Variants in RSPRY1 observed in about 807,000 individuals in gnomAD.
RSPRY1 encodes the protein ring finger and SPRY domain containing 1, also known as RING finger and SPRY domain-containing protein 1.
In RSPRY1, 23 loss-of-function variants were observed where a neutral mutation model predicts 73.1. The observed-to-expected ratio is 0.31, with a 90% CI of 0.23 to 0.45. The LOEUF (loss-of-function observed/expected upper bound fraction) is 0.45. Among genes scored for constraint, RSPRY1 ranks in the 20% least tolerant of loss-of-function variants. The pLI is 1.00. For synonymous variants in RSPRY1, 226 were observed against 251.4 expected, an observed-to-expected ratio of 0.90 and a Z score of 0.95; for missense variants, 448 against 698.7, an observed-to-expected ratio of 0.64 and a Z score of 4.05.
intron 1 of RSPRY1, among the ~76,000 whole-genome samples, chr16:57,200,445 C>G (rs1326100974): frequency 2.0e-5 from 3 of 152,000 alleles, no homozygotes; most frequent in Admixed American, 6.6e-5. Context: ...GGGGTGGTGG[C>G]CGGGCAGAGG....
intron 10 of RSPRY1, among the ~76,000 whole-genome samples, chr16:57,221,710 A>G (rs2075039510): frequency 1.3e-5 from 2 of 152,154 alleles, no homozygotes. Flanking sequence ...CACCCCAGCC[A>G]CGTACTTGGC....
intron 8 of RSPRY1, among the ~76,000 whole-genome samples, chr16:57,217,331 A>G (rs1231753672): frequency 2.6e-5 from 4 of 152,208 alleles, no homozygotes; most frequent in Non-Finnish European, 5.9e-5. Context: ...TTCCAACACA[A>G]ATCATCCCAC....
At chr16:57,191,496 G>A (rs1325119611) in intron 1 of RSPRY1, among the ~76,000 whole-genome samples, 1 of 152,192 alleles carries the variant, frequency 6.6e-6, no homozygotes, top group Non-Finnish European at 1.5e-5. Flanking sequence ...CTTCTCACAT[G>A]TCATATGCAG....
chr16:57,208,315 T>G (rs1376899322), intron 3 of RSPRY1, among the ~76,000 whole-genome samples: 1 of 145,232 alleles, frequency 6.9e-6, no homozygotes, highest in Non-Finnish European at 1.5e-5. Flanking sequence ...TTTTTTTTTT[T>G]TTTTTTTTTT....
At chr16:57,227,700 A>C (rs1462479891) in intron 11 of RSPRY1, among the ~76,000 whole-genome samples, 1 of 152,238 alleles carries the variant, frequency 6.6e-6, no homozygotes, top group African/African-American at 2.4e-5. Flanking sequence ...AATGATACTC[A>C]AGATTAGTAT....
chr16:57,225,059 C>CTTTTG (rs1242525688), intron 10 of RSPRY1, among the ~76,000 whole-genome samples: 6 of 151,930 alleles, frequency 3.9e-5, no homozygotes, highest in East Asian at 1.9e-4. Flanking sequence ...TAGTGAATTT[C>CTTTTG]TTTTGTTTTG....
At chr16:57,200,455 G>A (rs2074550481) in intron 1 of RSPRY1, among the ~76,000 whole-genome samples, 1 of 151,880 alleles carries the variant, frequency 6.6e-6, no homozygotes, top group African/African-American at 2.4e-5. Flanking sequence ...CCGGGCAGAG[G>A]GGCTCCTCAC....
intron 3 of RSPRY1, among the ~76,000 whole-genome samples, chr16:57,208,383 T>C (rs571918550): frequency 9.6e-6 from 1 of 103,736 alleles, no homozygotes; most frequent in Non-Finnish European, 1.9e-5. Flanking sequence ...TATTTATATA[T>C]ATATATATAT....
chr16:57,208,278 T>TA (rs2074764198), intron 3 of RSPRY1, among the ~76,000 whole-genome samples, 168 bp downstream of exon 3: 1 of 146,704 alleles, frequency 6.8e-6, no homozygotes, highest in South Asian at 2.1e-4. Flanking sequence ...CCTGAATAGG[T>TA]ATAATAGGCA....
At chr16:57,232,622 T>C (rs1448160090) in intron 13 of RSPRY1, among the ~76,000 whole-genome samples, 1 of 152,216 alleles carries the variant, frequency 6.6e-6, no homozygotes, top group African/African-American at 2.4e-5. Context: ...AAGGGACAAT[T>C]GATCCATCTA....
rs550175114 is a variant in RSPRY1, at chr16:57,231,856, A to G, written c.1529+537A>G. 2.0e-5 allele frequency among the ~76,000 whole-genome samples: 3 copies of G among 152,344 alleles called. No individual in the cohort carries two copies. In the South Asian group the frequency reaches 6.2e-4, roughly 32 times the overall value. Reference sequence around the variant, plus strand: ...TGTTCCACAACCATCAGTGAATACCATCTTGCATAAAATTTTACAGCCCTT... The same window carrying G: ...TGTTCCACAACCATCAGTGAATACCGTCTTGCATAAAATTTTACAGCCCTT... On this transcript the variant is annotated intron_variant, in intron 13 of 14. Coordinates refer to ENST00000394420, the MANE Select transcript of RSPRY1 (RefSeq NM_133368.3).
intron 10 of RSPRY1, among the ~76,000 whole-genome samples, chr16:57,222,583 A>G (rs1429649738): frequency 2.6e-5 from 4 of 152,194 alleles, no homozygotes; most frequent in African/African-American, 9.7e-5. Context: ...TCTGATTCCC[A>G]CAATAGCTTT....
intron 6 of RSPRY1, among the ~76,000 whole-genome samples, chr16:57,215,584 C>G (rs2074924731): frequency 1.3e-5 from 2 of 152,186 alleles, no homozygotes; most frequent in African/African-American, 2.4e-5. Flanking sequence ...TCACTTGTTG[C>G]TTTCTCCTGT....
intron 13 of RSPRY1, among the ~76,000 whole-genome samples, chr16:57,234,044 G>A (rs540179657): frequency 2.0e-5 from 3 of 152,146 alleles, no homozygotes; most frequent in East Asian, 3.9e-4. Flanking sequence ...AAACCTTTCC[G>A]GTGACCTCCC....
Position 57,213,933 on chromosome 16 carries a change from T to C in RSPRY1, c.689T>C (p.Leu230Ser), listed in dbSNP as rs1476334604. ...GLLSPGILEY[L>S]LQCLKLQSHP... ...CTTAGCCCAGGAATACTGGAATACT[T>C]GCTACAGTGTCTGGTAAGTGAGACA... is the stretch of plus-strand genomic sequence containing the variant. The change falls in exon 6 of 15, where the codon TTG becomes TCG. Residue 230 changes from leucine (L) to serine (S), a missense_variant. Physicochemically the swap from Leu to Ser is moderately radical, Grantham distance 145 (BLOSUM62 -2). Coordinates refer to ENST00000394420, the MANE Select transcript of RSPRY1 (RefSeq NM_133368.3). The C allele has an allele frequency of 6.2e-7, 1 of 1,607,184 alleles. No homozygotes were observed. The highest frequency in any genetic ancestry group is 1.1e-5 in the South Asian group (1 of 90,946).
At chr16:57,192,075 C>G (rs746110422) in intron 1 of RSPRY1, among the ~76,000 whole-genome samples, 5 of 152,284 alleles carry the variant, frequency 3.3e-5, no homozygotes, top group Non-Finnish European at 7.4e-5. Context: ...CTTTATGTTA[C>G]AGATTTTAGA....
chr16:57,202,896 A>ATATATATATATATATG (rs2074650971), intron 1 of RSPRY1, among the ~76,000 whole-genome samples: 2 of 146,530 alleles, frequency 1.4e-5, no homozygotes, highest in South Asian at 4.3e-4. Flanking sequence ...ATATATATAT[A>ATATATATATATATATG]TATATATATA....
At chr16:57,210,700 G>A (rs571248083) in intron 4 of RSPRY1, among the ~76,000 whole-genome samples, 5 of 148,134 alleles carry the variant, frequency 3.4e-5, no homozygotes, top group East Asian at 4.0e-4. Flanking sequence ...GCGACAAAGC[G>A]AAACTCTGTC....
chr16:57,201,075 C>G (rs1233797737), intron 1 of RSPRY1, among the ~76,000 whole-genome samples: 8 of 152,118 alleles, frequency 5.3e-5, no homozygotes, highest in Non-Finnish European at 1.0e-4. Context: ...CCACCTCCCT[C>G]CCAGACGGGG....
Sources: allele counts gnomAD v4.1 joint callset (sites outside exome capture counted in the v4.1 genomes callset), GRCh38; gene constraint gnomAD v4.1.1; transcripts MANE v1.5; gene names NCBI Gene and HGNC (gene_info 2026-07-23, HGNC 2026-07-21).